Variants in SRD5A2 observed in about 807,000 individuals in gnomAD.
SRD5A2 encodes 3-oxo-5-alpha-steroid 4-dehydrogenase 2.
A neutral mutation model predicts 27.4 loss-of-function variants in SRD5A2; 30 were observed. That is an observed-to-expected ratio of 1.10 (90% CI 0.82 to 1.49). The LOEUF (loss-of-function observed/expected upper bound fraction) is 1.49, where lower values mean the gene tolerates loss of function less well. Ranked by LOEUF, SRD5A2 falls within the 40% of genes most tolerant of loss-of-function variation. The pLI is 0.00. For synonymous variants in SRD5A2, 141 were observed against 133.6 expected (o/e 1.06, Z -0.38); for missense variants, 348 against 323.4 (o/e 1.08, Z -0.58).
chr2:31,595,331 G>A, the SRD5A2 span, among the ~76,000 whole-genome samples: 1 of 152,140 alleles, frequency 6.6e-6, no homozygotes, highest in East Asian at 1.9e-4. Flanking sequence ...GAAAAGAAGA[G>A]AGAAGATCCA....
chr2:31,578,400 T>C (rs1032042503), intron 1 of SRD5A2, among the ~76,000 whole-genome samples: 1 of 152,216 alleles, frequency 6.6e-6, no homozygotes, highest in African/African-American at 2.4e-5. Flanking sequence ...TCCTCGTTAT[T>C]GTGTGACCTT....
At chr2:31,534,975 A>T (rs191689065) in intron 1 of SRD5A2, among the ~76,000 whole-genome samples, 1 of 151,988 alleles carries the variant, frequency 6.6e-6, no homozygotes, top group Non-Finnish European at 1.5e-5. Context: ...TAAATTATGG[A>T]GTGACTGGCA....
intron 1 of SRD5A2, among the ~76,000 whole-genome samples, chr2:31,545,511 T>C (rs1315589066): frequency 6.6e-6 from 1 of 152,100 alleles, no homozygotes; most frequent in Admixed American, 6.5e-5. Context: ...GAAAAAGCAT[T>C]TGAAAAATTC....
intron 1 of SRD5A2, among the ~76,000 whole-genome samples, chr2:31,561,228 A>G (rs1430530871): frequency 6.6e-6 from 1 of 152,178 alleles, no homozygotes; most frequent in Non-Finnish European, 1.5e-5. Flanking sequence ...CACGGCCTCC[A>G]GTATTTACAG....
the SRD5A2 span, among the ~76,000 whole-genome samples, chr2:31,641,154 G>C: frequency 2.6e-5 from 4 of 152,164 alleles, no homozygotes; most frequent in South Asian, 6.2e-4. Context: ...AGTTTTCTAT[G>C]ATGGGGAGCA....
At chr2:31,574,913 T>C (rs1380529485) in intron 1 of SRD5A2, among the ~76,000 whole-genome samples, 1 of 152,250 alleles carries the variant, frequency 6.6e-6, no homozygotes, top group Non-Finnish European at 1.5e-5. Flanking sequence ...TTCATCTGTT[T>C]ACATAATGTC....
At chr2:31,615,420 G>C in the SRD5A2 span, among the ~76,000 whole-genome samples, 2,260 of 152,190 alleles carry the variant, frequency 0.015, 32 homozygotes, top group Non-Finnish European at 0.023. Flanking sequence ...TTGGGAACTG[G>C]AGTAAAGGTG....
At chr2:31,548,890 G>A (rs1238259030) in intron 1 of SRD5A2, among the ~76,000 whole-genome samples, 1 of 151,856 alleles carries the variant, frequency 6.6e-6, no homozygotes, top group Non-Finnish European at 1.5e-5. Flanking sequence ...ACTTACAATG[G>A]CTTTATAAAG....
At chr2:31,635,483 T>C in the SRD5A2 span, among the ~76,000 whole-genome samples, 1 of 152,134 alleles carries the variant, frequency 6.6e-6, no homozygotes, top group Admixed American at 6.5e-5. Context: ...AAATATTTTC[T>C]CTCATTTTGT....
chr2:31,534,537 A>G (rs1665985520), intron 1 of SRD5A2, among the ~76,000 whole-genome samples: 1 of 152,220 alleles, frequency 6.6e-6, no homozygotes, highest in South Asian at 2.1e-4. Context: ...TGAAGCTTTG[A>G]AAACTGATAT....
At chr2:31,567,229 C>G (rs1666749165) in intron 1 of SRD5A2, among the ~76,000 whole-genome samples, 3 of 152,122 alleles carry the variant, frequency 2.0e-5, no homozygotes, top group African/African-American at 7.2e-5. Flanking sequence ...TCCTGGCCCT[C>G]CTCTACTCAC....
Position 31,526,218 on chromosome 2 carries a change from G to T in SRD5A2, c.743C>A (p.Ala248Asp). 2 of 1,588,820 alleles carry T rather than the reference G, an allele frequency of 1.3e-6. No individual in the cohort carries two copies. Among genetic ancestry groups the T allele is most frequent in the Non-Finnish European group, 1.7e-6 (2 of 1,166,116 alleles). The change falls in exon 5 of 5, where the codon GCC becomes GAC. Residue 248 changes from alanine (A) to aspartate (D), a missense_variant. Ala to Asp is a moderately radical substitution (Grantham distance 126, BLOSUM62 -2). Coordinates refer to ENST00000622030, the MANE Select transcript of SRD5A2 (RefSeq NM_000348.4). ...CCTTTAAAAGATGAATGGAATAAGG[G>T]CTTTCCGAGATTTGGGGTAGTCCTC... ...MFEDYPKSRKALIPFIF is the reference protein window; with the variant it reads ...MFEDYPKSRKDLIPFIF
the SRD5A2 span, among the ~76,000 whole-genome samples, chr2:31,629,593 T>C: frequency 6.6e-6 from 1 of 151,890 alleles, no homozygotes; most frequent in Non-Finnish European, 1.5e-5. Context: ...GGGTTGGGAG[T>C]GTTGGTCTGC....
the SRD5A2 span, among the ~76,000 whole-genome samples, chr2:31,625,734 A>G: frequency 5.3e-5 from 8 of 152,160 alleles, no homozygotes; most frequent in African/African-American, 1.9e-4. Context: ...CTGTTTTGGT[A>G]TCAGTACAAT....
At chr2:31,556,791 G>T (rs1666503606) in intron 1 of SRD5A2, among the ~76,000 whole-genome samples, 1 of 152,132 alleles carries the variant, frequency 6.6e-6, no homozygotes, top group Non-Finnish European at 1.5e-5. Flanking sequence ...GCAGTCACAG[G>T]AAGTTAATAT....
At chr2:31,587,908 T>C in the SRD5A2 span, among the ~76,000 whole-genome samples, 1 of 152,110 alleles carries the variant, frequency 6.6e-6, no homozygotes, top group Non-Finnish European at 1.5e-5. Flanking sequence ...GAACTTAAAG[T>C]AGAATTTTTA....
the SRD5A2 span, among the ~76,000 whole-genome samples, chr2:31,611,745 G>A: frequency 2.6e-5 from 4 of 152,082 alleles, no homozygotes; most frequent in South Asian, 8.3e-4. Context: ...TTGGAGAACT[G>A]TTTGGCTATT....
chr2:31,587,006 C>T, the SRD5A2 span, among the ~76,000 whole-genome samples: 6 of 152,064 alleles, frequency 3.9e-5, no homozygotes, highest in Non-Finnish European at 7.4e-5. Flanking sequence ...ATTCAGAATT[C>T]TATCAGATAA....
the SRD5A2 span, among the ~76,000 whole-genome samples, chr2:31,636,009 A>T: frequency 6.6e-6 from 1 of 151,948 alleles, no homozygotes; most frequent in Non-Finnish European, 1.5e-5. Flanking sequence ...TTTGCTCAGG[A>T]CTGCTTTGCC....
Sources: allele counts gnomAD v4.1 joint callset (sites outside exome capture counted in the v4.1 genomes callset), GRCh38; gene constraint gnomAD v4.1.1; transcripts MANE v1.5; gene names NCBI Gene and HGNC (gene_info 2026-07-23, HGNC 2026-07-21).